Variants in DPP6 observed in about 807,000 individuals in gnomAD.
The protein encoded by DPP6 is dipeptidyl peptidase like 6, also known as A-type potassium channel modulatory protein DPP6.
In DPP6, 69 loss-of-function variants were observed where a neutral mutation model predicts 122.6. That is an observed-to-expected ratio of 0.56 (90% CI 0.46 to 0.69). The LOEUF (loss-of-function observed/expected upper bound fraction) is 0.69. Among genes scored for constraint, DPP6 ranks in the 30% least tolerant of loss-of-function variants. The probability of loss-of-function intolerance (pLI) is 0.00; values close to 1 mark genes in which losing one functional copy is unlikely to be tolerated. For missense variants in DPP6, 928 were observed against 1,116.9 expected (o/e 0.83, Z 2.41); for synonymous variants, 418 against 433.1 (o/e 0.97, Z 0.43).
At chr7:154,252,575 T>C in intron 1 of DPP6, among the ~76,000 whole-genome samples, 1 of 152,232 alleles carries the variant, frequency 6.6e-6, no homozygotes, top group East Asian at 1.9e-4. Flanking sequence ...GGGAATAGCA[T>C]ATGAACAAAT....
intron 6 of DPP6, among the ~76,000 whole-genome samples, chr7:154,655,613 T>TCA (rs1253141366): frequency 1.3e-5 from 2 of 149,880 alleles, no homozygotes; most frequent in African/African-American, 2.4e-5. Context: ...TTCCTCTCTG[T>TCA]CACACACACA....
intron 1 of DPP6, among the ~76,000 whole-genome samples, chr7:154,212,094 A>G (rs1334188302): frequency 6.6e-6 from 1 of 152,112 alleles, no homozygotes. Flanking sequence ...TGCCTCCATC[A>G]CATGGCTCAT....
intron 1 of DPP6, among the ~76,000 whole-genome samples, chr7:154,349,811 T>A (rs145116987): frequency 6.6e-6 from 1 of 152,230 alleles, no homozygotes; most frequent in Non-Finnish European, 1.5e-5. Context: ...ACCCAAGTGC[T>A]GAAAAAAAAC....
intron 5 of DPP6, among the ~76,000 whole-genome samples, chr7:154,613,873 TG>T (rs1586734568): frequency 6.6e-6 from 1 of 152,180 alleles, no homozygotes; most frequent in East Asian, 1.9e-4. Context: ...AAGCCACAGC[TG>T]AGCAGCAGGA....
chr7:153,780,842 T>A, the DPP6 span, among the ~76,000 whole-genome samples: 1 of 152,162 alleles, frequency 6.6e-6, no homozygotes, highest in African/African-American at 2.4e-5. Flanking sequence ...CCCATTTGGA[T>A]TATAACACAA....
intron 1 of DPP6, among the ~76,000 whole-genome samples, chr7:154,341,802 T>C (rs1307214403): frequency 6.6e-6 from 1 of 151,814 alleles, no homozygotes; most frequent in African/African-American, 2.4e-5. Context: ...GGCTGTCTGT[T>C]CCTTGGTTAC....
At chr7:154,428,898 A>G (rs1464383860) in intron 1 of DPP6, among the ~76,000 whole-genome samples, 1 of 152,166 alleles carries the variant, frequency 6.6e-6, no homozygotes, top group Non-Finnish European at 1.5e-5. Context: ...ATTGGGTACA[A>G]CGTACAGTGT....
rs965304314 is a variant in DPP6, at chr7:154,873,245, T to C, written c.1883+552T>C. ...TGTTGGGTCTGATTAGGGAACTCAG[T>C]GCTAGGAGCCGGCCCAGTGCCCTGT... On this transcript the variant is annotated intron_variant, in intron 19 of 25. Coordinates refer to ENST00000377770, the MANE Select transcript of DPP6 (RefSeq NM_130797.4). Among the ~76,000 whole-genome samples the C allele has an allele frequency of 7.2e-5, 11 of 152,226 alleles. No homozygotes were observed. The East Asian group carries it at 1.7e-3, about 24-fold the overall frequency.
At chr7:154,761,500 A>G (rs1000238125) in intron 8 of DPP6, among the ~76,000 whole-genome samples, 1 of 135,912 alleles carries the variant, frequency 7.4e-6, no homozygotes, top group African/African-American at 2.5e-5. Flanking sequence ...AATCCCCGAG[A>G]CTGGGTAATT....
At position 153,900,322 on chromosome 7, in the gene DPP6, A is replaced by G. The variant is rs926261678; in HGVS notation, c.51+12588A>G. Among the ~76,000 whole-genome samples the G allele has an allele frequency of 4.0e-5, 6 of 151,894 alleles. No homozygotes were observed. In the South Asian group the frequency reaches 6.2e-4, roughly 16 times the overall value. On this transcript the variant is annotated intron_variant, in intron 1 of 25. Coordinates refer to the DPP6 transcript ENST00000404039. ...CAGATTTTCAGGTATCTTTGTAGCA[A>G]TGCCCCATTCCTTGGTATGTGTTGC...
chr7:153,886,695 C>T (rs1798929638), upstream of DPP6, among the ~76,000 whole-genome samples: 1 of 152,180 alleles, frequency 6.6e-6, no homozygotes, highest in Non-Finnish European at 1.5e-5. Flanking sequence ...CAGAGGCCAA[C>T]CCAGAGTGCA....
chr7:153,836,301 A>G, the DPP6 span, among the ~76,000 whole-genome samples: 6 of 152,232 alleles, frequency 3.9e-5, no homozygotes, highest in African/African-American at 9.6e-5. Context: ...GAGAAAATAG[A>G]TGCAATATTA....
chr7:154,508,854 A>G (rs1175674881), intron 3 of DPP6, among the ~76,000 whole-genome samples: 1 of 152,244 alleles, frequency 6.6e-6, no homozygotes, highest in Non-Finnish European at 1.5e-5. Context: ...GAAAATGCTT[A>G]TAATCTGGTA....
chr7:154,550,556 T>A (rs1370972611), intron 4 of DPP6, among the ~76,000 whole-genome samples: 1 of 152,164 alleles, frequency 6.6e-6, no homozygotes, highest in Non-Finnish European at 1.5e-5. Context: ...ACCAGCTTGT[T>A]TATTAAGGGT....
chr7:154,441,016 C>A (rs1215414306), intron 1 of DPP6, among the ~76,000 whole-genome samples: 3 of 152,126 alleles, frequency 2.0e-5, no homozygotes, highest in Non-Finnish European at 4.4e-5. Context: ...CTGCGTAAGG[C>A]CAGACTTACA....
the DPP6 span, among the ~76,000 whole-genome samples, chr7:153,867,450 T>G: frequency 2.0e-5 from 3 of 151,338 alleles, no homozygotes; most frequent in Admixed American, 2.0e-4. Flanking sequence ...GGCCCTCTGT[T>G]TGTCTGTTAT....
At position 154,156,432 on chromosome 7, in the gene DPP6, G is replaced by C. The variant is rs1326609648; in HGVS notation, c.243+103369G>C. On this transcript the variant is annotated intron_variant, in intron 1 of 25. Coordinates refer to ENST00000377770, the MANE Select transcript of DPP6 (RefSeq NM_130797.4). ...TCTCCCAAAATACAAATCTCTTTTA[G>C]ACTGTTGCCAGCAGTCTCAGGAATG... 2.0e-5 allele frequency among the ~76,000 whole-genome samples: 3 copies of C among 152,196 alleles called. 1 individual carries two copies. The South Asian group carries it at 6.2e-4, about 31-fold the overall frequency.
At chr7:154,376,830 G>A (rs1169539123) in intron 1 of DPP6, among the ~76,000 whole-genome samples, 1 of 152,120 alleles carries the variant, frequency 6.6e-6, no homozygotes, top group Admixed American at 6.5e-5. Flanking sequence ...GAGGTAATTT[G>A]GCTCCTAACT....
At position 154,454,072 on chromosome 7, in the gene DPP6, C is replaced by T. The variant is rs982095000; in HGVS notation, c.358+7744C>T. Among the ~76,000 whole-genome samples the T allele has an allele frequency of 5.1e-4, 78 of 152,156 alleles. 2 individuals are homozygous for T. The highest frequency in any genetic ancestry group is 1.9e-4 in the Non-Finnish European group (13 of 68,036). ...GGGCATTTTCTCTCTGTTAGGGCTC[C>T]TATATTAAATTCATTCCACAAATTC... On this transcript the variant is annotated intron_variant, in intron 2 of 25. Transcript: ENST00000377770.
Sources: gnomAD v4.1 joint callset for allele counts (sites outside exome capture counted in the v4.1 genomes callset) on GRCh38, gnomAD v4.1.1 for gene constraint, MANE v1.5 for transcripts, NCBI Gene and HGNC (gene_info 2026-07-23, HGNC 2026-07-21) for gene names.